ALX4: variants seen among roughly 807,000 people sequenced by gnomAD.
The protein encoded by ALX4 is ALX homeobox 4.
In ALX4, 22 loss-of-function variants were observed where a neutral mutation model predicts 40.6. The ratio of observed to expected loss-of-function variants is 0.54; its 90% CI spans 0.39 to 0.77. The LOEUF is 0.77. Ranked by LOEUF, ALX4 falls within the 30% of genes least tolerant of loss-of-function variation. The pLI is 0.00. For missense variants in ALX4, 556 were observed against 564.8 expected (o/e 0.98, Z 0.16); for synonymous variants, 266 against 240.5 (o/e 1.11, Z -0.98).
intron 2 of ALX4, among the ~76,000 whole-genome samples, chr11:44,273,013 AC>A (rs1186978721): frequency 6.6e-6 from 1 of 152,124 alleles, no homozygotes; most frequent in Non-Finnish European, 1.5e-5. Context: ...GCCTTCTTAA[AC>A]AGAAAATGGT....
chr11:44,292,887 G>A (rs991032329), intron 1 of ALX4, among the ~76,000 whole-genome samples: 5 of 152,038 alleles, frequency 3.3e-5, no homozygotes, highest in African/African-American at 1.2e-4. Flanking sequence ...CCTGAGCTCA[G>A]GAGTTTGAGA....
chr11:44,271,336 G>T (rs1355197890), intron 2 of ALX4, among the ~76,000 whole-genome samples: 1 of 152,264 alleles, frequency 6.6e-6, no homozygotes, highest in African/African-American at 2.4e-5. Flanking sequence ...CCGGATTCCA[G>T]TCGCAGTGCT....
At chr11:44,280,076 G>C (rs903424640) in intron 1 of ALX4, among the ~76,000 whole-genome samples, 4 of 152,186 alleles carry the variant, frequency 2.6e-5, no homozygotes, top group African/African-American at 9.7e-5. Flanking sequence ...TACCCACTGG[G>C]GAGAAAGTCG....
At chr11:44,297,895 A>T (rs1243645985) in intron 1 of ALX4, among the ~76,000 whole-genome samples, 1 of 151,888 alleles carries the variant, frequency 6.6e-6, no homozygotes, top group Non-Finnish European at 1.5e-5. Flanking sequence ...GGCCTCTTTC[A>T]TCTCCTTCAG....
rs74851971 is a variant in ALX4, at chr11:44,294,804, C to T, written c.466+14793G>A. Among the ~76,000 whole-genome samples, 724 of 151,690 alleles carry T rather than the reference C, an allele frequency of 4.8e-3. 6 individuals carry two copies. Among genetic ancestry groups the T allele is most frequent in the African/African-American group, 0.017 (702 of 41,352 alleles). On this transcript the variant is annotated intron_variant, in intron 1 of 3. Transcript: ENST00000652299. ...CATTGACTGAGCACTTACTATGCTC[C>T]AGGAACTGTTCTAAGATCCTTACCT... is the stretch of plus-strand genomic sequence containing the variant.
chr11:44,307,891 T>A (rs887112055), intron 1 of ALX4, among the ~76,000 whole-genome samples: 1 of 151,984 alleles, frequency 6.6e-6, no homozygotes, highest in Non-Finnish European at 1.5e-5. Flanking sequence ...GCTGTGGGTG[T>A]CCGTGTGTGG....
Position 44,284,791 on chromosome 11 carries a change from AC to A in ALX4, c.467-9134del, listed in dbSNP as rs1382556305. Reference sequence around the variant, plus strand: ...CTGTCTGTGGCTAACTACTACTTTCACCTGGATAGCTTTCTCTGTAACTTTT... The same window carrying A: ...CTGTCTGTGGCTAACTACTACTTTCACTGGATAGCTTTCTCTGTAACTTTT... On this transcript the variant is annotated intron_variant, in intron 1 of 3. Transcript: ENST00000652299. 1.7e-4 allele frequency among the ~76,000 whole-genome samples: 26 copies of A among 151,748 alleles called. No homozygotes were observed. The East Asian group carries it at 4.4e-3, about 26-fold the overall frequency.
At chr11:44,270,670 C>G (rs957464034) in intron 2 of ALX4, among the ~76,000 whole-genome samples, 2 of 152,136 alleles carry the variant, frequency 1.3e-5, no homozygotes, top group Non-Finnish European at 2.9e-5. Flanking sequence ...CCTGTGCCTC[C>G]CAGCTCTGCA....
intron 1 of ALX4, among the ~76,000 whole-genome samples, chr11:44,309,254 C>G (rs1956490514): frequency 7.1e-6 from 1 of 140,604 alleles, no homozygotes; most frequent in Admixed American, 7.2e-5. Context: ...CGCGGAGACT[C>G]CTTGCCGCCG....
intron 1 of ALX4, among the ~76,000 whole-genome samples, chr11:44,303,216 C>T (rs1956445076): frequency 6.6e-6 from 1 of 152,158 alleles, no homozygotes; most frequent in Non-Finnish European, 1.5e-5. Flanking sequence ...GTGCGTGGGG[C>T]CAACATCCAT....
intron 2 of ALX4, among the ~76,000 whole-genome samples, chr11:44,270,456 A>G (rs1420436230): frequency 6.6e-6 from 1 of 152,034 alleles, no homozygotes; most frequent in Non-Finnish European, 1.5e-5. Context: ...TTTTCTGCCC[A>G]GATCCAGACA....
Position 44,283,567 on chromosome 11 carries a change from C to T in ALX4, c.467-7909G>A, listed in dbSNP as rs571926119. Among the ~76,000 whole-genome samples the T allele has an allele frequency of 5.3e-5, 8 of 152,214 alleles. No individual in the cohort carries two copies. The East Asian group carries it at 7.7e-4, about 15-fold the overall frequency. On this transcript the variant is annotated intron_variant, in intron 1 of 3. Transcript: ENST00000652299. ...CCTTCCTGATAGTCTTTATTCTGCACGTTGTTTCTTTTTTTGAGACAGAGT... is the reference window on the plus strand; with the variant it reads ...CCTTCCTGATAGTCTTTATTCTGCATGTTGTTTCTTTTTTTGAGACAGAGT...
At chr11:44,298,659 G>C (rs1340318473) in intron 1 of ALX4, among the ~76,000 whole-genome samples, 1 of 152,166 alleles carries the variant, frequency 6.6e-6, no homozygotes, top group Non-Finnish European at 1.5e-5. Flanking sequence ...CCTGTGGCCA[G>C]TGGGGTGAGA....
rs1333196905 is a variant in ALX4 at position 44,260,481 on chromosome 11, C to G, written c.*4373G>C. 4 of 152,110 alleles carry G rather than the reference C, an allele frequency of 2.6e-5. No homozygotes were observed. The East Asian group carries it at 7.7e-4, about 29-fold the overall frequency. 9.4% of individuals were successfully genotyped at this position (152,110 alleles called of 1,614,324 possible). A position where few individuals can be genotyped will look rare whatever the true frequency, so the allele number is the denominator to read the frequency against. On this transcript the variant is annotated 3_prime_UTR_variant, in exon 4 of 4. Coordinates refer to ENST00000652299, the MANE Select transcript of ALX4 (RefSeq NM_021926.4). ...AGGAGTTTATTGCAAATAACAACAA[C>G]CAAACAGTTTGGGCTGGGCCAGCAA...
At chr11:44,297,063 GAGT>G (rs1189842924) in intron 1 of ALX4, among the ~76,000 whole-genome samples, 3 of 150,164 alleles carry the variant, frequency 2.0e-5, no homozygotes, top group Non-Finnish European at 3.0e-5. Context: ...CACAGAGAGA[GAGT>G]AGAATAGAGG....
intron 1 of ALX4, among the ~76,000 whole-genome samples, chr11:44,295,674 G>T (rs1025382248): frequency 5.3e-5 from 8 of 152,228 alleles, no homozygotes; most frequent in African/African-American, 1.9e-4. Context: ...TATGCATGGG[G>T]CCAACAGCAT....
chr11:44,270,831 C>T (rs1956242118), intron 2 of ALX4, among the ~76,000 whole-genome samples: 2 of 152,238 alleles, frequency 1.3e-5, no homozygotes, highest in Non-Finnish European at 1.5e-5. Flanking sequence ...GTGCAAGGAA[C>T]CAACTGTCTT....
At chr11:44,267,456 G>A in intron 3 of ALX4, 38 bp downstream of exon 3, 1 of 1,611,506 alleles carries the variant, frequency 6.2e-7, no homozygotes, top group Non-Finnish European at 8.5e-7. Context: ...AGCACCAGGG[G>A]CTGGGGATCG....
chr11:44,297,455 T>C (rs1044788103), intron 1 of ALX4, among the ~76,000 whole-genome samples: 3 of 152,042 alleles, frequency 2.0e-5, no homozygotes, highest in Non-Finnish European at 4.4e-5. Context: ...CGGTGGCTTA[T>C]GCTTGTAATC....
Sources: gnomAD v4.1 joint callset for allele counts (sites outside exome capture counted in the v4.1 genomes callset) on GRCh38, gnomAD v4.1.1 for gene constraint, MANE v1.5 for transcripts, NCBI Gene and HGNC (gene_info 2026-07-23, HGNC 2026-07-21) for gene names.